The following IQGAP2 variants were observed in gnomAD, a reference collection of about 807,000 sequenced individuals.
IQGAP2 encodes the protein IQ motif containing GTPase activating protein 2, also known as ras GTPase-activating-like protein IQGAP2.
Under a neutral mutation model 201.3 loss-of-function variants are expected in IQGAP2, and 173 were observed. The observed-to-expected ratio is 0.86, with a 90% CI of 0.76 to 0.98. The LOEUF is 0.98. Ranked by LOEUF, IQGAP2 falls within the 50% of genes least tolerant of loss-of-function variation. The probability of loss-of-function intolerance (pLI) is 0.00; values close to 1 mark genes in which losing one functional copy is unlikely to be tolerated. For synonymous variants in IQGAP2, 675 were observed against 673.9 expected (o/e 1.00, Z -0.03); for missense variants, 1,687 against 1,864.8 (o/e 0.90, Z 1.76).
At chr5:76,590,268 G>A (rs1654390776) in intron 7 of IQGAP2, 140 bp from the exon 8 acceptor site, 1 of 663,970 alleles carries the variant, frequency 1.5e-6, no homozygotes, top group South Asian at 2.1e-5. Context: ...TCCATAATAT[G>A]TCTCAGTTCT....
At chr5:76,687,644 G>C (rs553139870) in intron 30 of IQGAP2, among the ~76,000 whole-genome samples, 1 of 152,118 alleles carries the variant, frequency 6.6e-6, no homozygotes, top group Non-Finnish European at 1.5e-5. Flanking sequence ...TCCACCTCCT[G>C]TCAGATCAGT....
intron 2 of IQGAP2, among the ~76,000 whole-genome samples, chr5:76,507,054 CA>C (rs1757641441): frequency 6.6e-6 from 1 of 152,110 alleles, no homozygotes; most frequent in Non-Finnish European, 1.5e-5. Flanking sequence ...CCCGAATAGC[CA>C]ATACAATATT....
intron 5 of IQGAP2, among the ~76,000 whole-genome samples, chr5:76,582,661 G>A (rs1745951295): frequency 6.6e-6 from 1 of 152,134 alleles, no homozygotes; most frequent in African/African-American, 2.4e-5. Flanking sequence ...TGTATATCCT[G>A]AAAGTATAGA....
chr5:76,665,226 A>ATGTT lies in IQGAP2; in HGVS notation c.2679+55_2679+58dup, dbSNP rs749705573. 3.0e-5 allele frequency: 45 copies of ATGTT among 1,515,106 alleles called. 2 individuals are homozygous for ATGTT. In the East Asian group the frequency reaches 1.0e-3, roughly 34 times the overall value. The allele number at this position is 1,515,106 out of a possible 1,614,324, so 93.9% of individuals were successfully genotyped here. On this transcript the variant is annotated intron_variant, in intron 22 of 35. Transcript: ENST00000274364. ...GAGTTTGGGAGTAATACTATGTTAC[A>ATGTT]TGTTTGTGGCTTACAGGGAGTATTT...
At chr5:76,548,476 A>G (rs1743232570) in intron 2 of IQGAP2, among the ~76,000 whole-genome samples, 1 of 152,196 alleles carries the variant, frequency 6.6e-6, no homozygotes, top group African/African-American at 2.4e-5. Context: ...AGAAGAGAGC[A>G]TTCCTAGGAA....
intron 2 of IQGAP2, among the ~76,000 whole-genome samples, chr5:76,473,096 AGG>A (rs1232146418): frequency 6.6e-6 from 1 of 152,244 alleles, no homozygotes; most frequent in African/African-American, 2.4e-5. Context: ...ATTACAACCT[AGG>A]TCTTTCTGAC....
chr5:76,699,732 T>TCTCTCA (rs1166865943), intron 33 of IQGAP2, among the ~76,000 whole-genome samples: 1 of 68,180 alleles, frequency 1.5e-5, no homozygotes, highest in Admixed American at 1.4e-4. Context: ...TCTCTCTCTC[T>TCTCTCA]CTCTCACTCT....
intron 13 of IQGAP2, among the ~76,000 whole-genome samples, chr5:76,623,809 G>A (rs1749952421): frequency 6.6e-6 from 1 of 152,246 alleles, no homozygotes; most frequent in African/African-American, 2.4e-5. Context: ...AAATTGAGCG[G>A]TGAATCACTT....
At chr5:76,660,585 T>A (rs1743161992) in intron 21 of IQGAP2, among the ~76,000 whole-genome samples, 3 of 152,256 alleles carry the variant, frequency 2.0e-5, no homozygotes, top group Non-Finnish European at 2.9e-5. Context: ...ATGTATCTTT[T>A]GGAAACACAA....
Position 76,511,552 on chromosome 5 carries a change from T to C in IQGAP2, c.146+49883T>C, listed in dbSNP as rs535959291. The stretch of plus-strand genomic sequence containing the variant: ...TAAGACAGTAGGGAACAGAGTTGTA[T>C]TGGTTGAGTAGACCAGTCATGTTCC... On this transcript the variant is annotated intron_variant, in intron 2 of 35. Transcript: ENST00000274364. Among the ~76,000 whole-genome samples, 11 of 152,338 alleles carry C rather than the reference T, an allele frequency of 7.2e-5. No individual in the cohort carries two copies. The South Asian group carries it at 2.3e-3, about 32-fold the overall frequency.
At chr5:76,663,273 A>G (rs1283600214) in intron 21 of IQGAP2, among the ~76,000 whole-genome samples, 1 of 152,238 alleles carries the variant, frequency 6.6e-6, no homozygotes, top group Non-Finnish European at 1.5e-5. Flanking sequence ...ACTGTTGTCC[A>G]CACTGCCCAT....
At chr5:76,493,701 G>A (rs1057515061) in intron 2 of IQGAP2, among the ~76,000 whole-genome samples, 4 of 152,144 alleles carry the variant, frequency 2.6e-5, no homozygotes, top group South Asian at 4.1e-4. Context: ...CTTCTGTTTT[G>A]TTTAACGATG....
chr5:76,476,217 C>A (rs188378249), intron 2 of IQGAP2, among the ~76,000 whole-genome samples: 1 of 151,934 alleles, frequency 6.6e-6, no homozygotes. Context: ...TTGAAGCCAC[C>A]CAGCAGAGGC....
intron 2 of IQGAP2, among the ~76,000 whole-genome samples, chr5:76,471,590 C>T (rs1184578969): frequency 2.0e-5 from 3 of 152,210 alleles, no homozygotes; most frequent in Non-Finnish European, 4.4e-5. Flanking sequence ...AATCAAGTCT[C>T]AAGCTCTGGC....
intron 2 of IQGAP2, among the ~76,000 whole-genome samples, chr5:76,482,886 G>C (rs1002249184): frequency 1.3e-5 from 2 of 152,150 alleles, no homozygotes; most frequent in Admixed American, 1.3e-4. Context: ...GAGTGGCCTT[G>C]AGCAAAGCAC....
intron 1 of IQGAP2, among the ~76,000 whole-genome samples, chr5:76,456,613 C>T (rs1311434218): frequency 1.3e-5 from 2 of 152,156 alleles, no homozygotes; most frequent in South Asian, 4.1e-4. Context: ...TCTCTGATAA[C>T]TATTCTTTAA....
intron 16 of IQGAP2, among the ~76,000 whole-genome samples, chr5:76,639,466 C>G (rs1461062125): frequency 6.6e-6 from 1 of 152,130 alleles, no homozygotes; most frequent in Non-Finnish European, 1.5e-5. Context: ...GAGGAATACT[C>G]TTGAAGGAAT....
chr5:76,651,317 T>C (rs890442747), intron 17 of IQGAP2, among the ~76,000 whole-genome samples: 3 of 152,208 alleles, frequency 2.0e-5, no homozygotes, highest in Non-Finnish European at 2.9e-5. Context: ...TTTAAAAGTA[T>C]GTTTGGGCCA....
chr5:76,576,799 AT>A (rs937236848), intron 5 of IQGAP2, among the ~76,000 whole-genome samples: 1 of 151,638 alleles, frequency 6.6e-6, no homozygotes, highest in African/African-American at 2.4e-5. Context: ...CTTTGCTATG[AT>A]TTTTTTTTAT....
Sources: allele counts gnomAD v4.1 joint callset (sites outside exome capture counted in the v4.1 genomes callset), GRCh38; gene constraint gnomAD v4.1.1; transcripts MANE v1.5; gene names NCBI Gene and HGNC (gene_info 2026-07-23, HGNC 2026-07-21).